SGCZ: variants seen among roughly 807,000 people sequenced by gnomAD.
SGCZ encodes zeta-sarcoglycan.
A neutral mutation model predicts 41.3 loss-of-function variants in SGCZ; 40 were observed. The observed-to-expected ratio is 0.97, with a 90% confidence interval of 0.75 to 1.26. The LOEUF (loss-of-function observed/expected upper bound fraction) is 1.26. Among genes scored for constraint, SGCZ ranks in the 50% most tolerant of loss-of-function variants. The pLI, the probability that SGCZ is intolerant of heterozygous loss-of-function variation, is 0.00. For synonymous variants in SGCZ, 206 were observed against 137.5 expected, an observed-to-expected ratio of 1.50 and a Z score of -3.49; for missense variants, 552 against 369.8, an observed-to-expected ratio of 1.49 and a Z score of -4.04.
chr8:14,360,413 C>T (rs1396872879), intron 2 of SGCZ, among the ~76,000 whole-genome samples: 1 of 151,974 alleles, frequency 6.6e-6, no homozygotes, highest in Non-Finnish European at 1.5e-5. Flanking sequence ...GTAACCTCCG[C>T]CTCCTAGGTT....
chr8:14,421,859 A>T (rs1369742181), intron 2 of SGCZ, among the ~76,000 whole-genome samples: 1 of 152,138 alleles, frequency 6.6e-6, no homozygotes, highest in Non-Finnish European at 1.5e-5. Flanking sequence ...AAGAGGAAAA[A>T]AATACTTTGA....
intron 4 of SGCZ, among the ~76,000 whole-genome samples, chr8:14,184,704 T>C (rs1804847616): frequency 6.6e-6 from 1 of 152,148 alleles, no homozygotes; most frequent in South Asian, 2.1e-4. Flanking sequence ...AAAACAGATA[T>C]TTTCCAAATA....
At chr8:15,190,732 C>A (rs1252146520) in intron 1 of SGCZ, among the ~76,000 whole-genome samples, 1 of 151,302 alleles carries the variant, frequency 6.6e-6, no homozygotes, top group Non-Finnish European at 1.5e-5. Flanking sequence ...TGTCAGCAAT[C>A]AAAAACTTGT....
chr8:14,856,270 G>A lies in SGCZ; in HGVS notation c.40-301344C>T, dbSNP rs144410485. Among the ~76,000 whole-genome samples, 66 of 152,250 alleles carry A rather than the reference G, an allele frequency of 4.3e-4. No homozygotes were observed. The Middle Eastern group carries it at 0.031, about 71-fold the overall frequency. ...TACATACTGGCACATCGATGATACA[G>A]ACTGTAACGAATCCTATATTTGGCA... On this transcript the variant is annotated intron_variant, in intron 1 of 7. Coordinates refer to ENST00000382080, the MANE Select transcript of SGCZ (RefSeq NM_139167.4).
At chr8:14,948,052 A>AAG (rs1800510962) in intron 1 of SGCZ, among the ~76,000 whole-genome samples, 1 of 152,208 alleles carries the variant, frequency 6.6e-6, no homozygotes, top group South Asian at 2.1e-4. Flanking sequence ...AGAAGGACAG[A>AAG]AGAGAAGCTT....
chr8:14,464,506 T>A (rs2116961308), intron 2 of SGCZ, among the ~76,000 whole-genome samples: 1 of 150,252 alleles, frequency 6.7e-6, no homozygotes, highest in African/African-American at 2.4e-5. Flanking sequence ...TTTTTTTAGT[T>A]CATCTAGCTG....
chr8:14,346,159 A>G (rs1563270837), intron 2 of SGCZ, among the ~76,000 whole-genome samples: 1 of 152,100 alleles, frequency 6.6e-6, no homozygotes, highest in East Asian at 1.9e-4. Flanking sequence ...ATGTATCACA[A>G]TAATACAATA....
chr8:14,820,217 A>C (rs745514979), intron 1 of SGCZ, among the ~76,000 whole-genome samples: 1 of 152,064 alleles, frequency 6.6e-6, no homozygotes, highest in Non-Finnish European at 1.5e-5. Context: ...AACCAAAGTC[A>C]ACATGAATAG....
rs146163721 is a variant in SGCZ, at chr8:14,089,080, T to G, written c.*1363A>C. 1.8e-3 allele frequency among the ~76,000 whole-genome samples: 278 copies of G among 152,112 alleles called. No individual in the cohort carries two copies. Among genetic ancestry groups the G allele is most frequent in the African/African-American group, 6.4e-3 (264 of 41,540 alleles). On this transcript the variant is annotated 3_prime_UTR_variant, in exon 8 of 8. Coordinates refer to ENST00000382080, the MANE Select transcript of SGCZ (RefSeq NM_139167.4). ...CTTTGACTCTGTAAGTTTCAAGAGT[T>G]TGAGTTAAGGGGTGCTGTGATAAAT...
chr8:14,442,656 C>T (rs181518011), intron 2 of SGCZ, among the ~76,000 whole-genome samples: 6 of 152,188 alleles, frequency 3.9e-5, no homozygotes, highest in African/African-American at 1.2e-4. Flanking sequence ...TGCTTTAATC[C>T]AACCCAGTGA....
At chr8:15,164,604 C>T (rs531989178) in intron 1 of SGCZ, among the ~76,000 whole-genome samples, 70 of 148,138 alleles carry the variant, frequency 4.7e-4, no homozygotes, top group African/African-American at 1.5e-3. Context: ...TTTTTTTCCT[C>T]TTCTCCACCC....
intron 1 of SGCZ, among the ~76,000 whole-genome samples, chr8:14,951,715 A>C (rs1800647618): frequency 6.6e-6 from 1 of 152,004 alleles, no homozygotes; most frequent in South Asian, 2.1e-4. Flanking sequence ...AATACCCCAA[A>C]TTTACAGGTT....
At chr8:14,602,421 A>T (rs1304325696) in intron 1 of SGCZ, among the ~76,000 whole-genome samples, 2 of 151,970 alleles carry the variant, frequency 1.3e-5, no homozygotes, top group Non-Finnish European at 2.9e-5. Context: ...CCGAGGTGGG[A>T]AGAATTACCT....
intron 1 of SGCZ, among the ~76,000 whole-genome samples, chr8:14,706,981 C>CT (rs559486370): frequency 0.023 from 2,863 of 126,960 alleles, 34 homozygotes; most frequent in South Asian, 0.046. Flanking sequence ...TTAGTCAATT[C>CT]TTTTTTTTTT....
intron 2 of SGCZ, among the ~76,000 whole-genome samples, chr8:14,327,191 G>C (rs911124948): frequency 6.6e-6 from 1 of 152,146 alleles, no homozygotes; most frequent in Non-Finnish European, 1.5e-5. Flanking sequence ...ACCAGAAAGA[G>C]TAATTTTGGA....
chr8:14,937,482 T>C (rs1300260739), intron 1 of SGCZ, among the ~76,000 whole-genome samples: 1 of 151,960 alleles, frequency 6.6e-6, no homozygotes, highest in African/African-American at 2.4e-5. Context: ...AAACAAAAAT[T>C]GGAAAATCTT....
intron 4 of SGCZ, among the ~76,000 whole-genome samples, chr8:14,217,188 T>C (rs1806025674): frequency 6.7e-6 from 1 of 149,448 alleles, no homozygotes; most frequent in African/African-American, 2.5e-5. Flanking sequence ...CCTAGCTATT[T>C]GGGAGGCTGA....
chr8:15,045,258 T>C (rs74988019), intron 1 of SGCZ, among the ~76,000 whole-genome samples: 2,192 of 152,064 alleles, frequency 0.014, 31 homozygotes, highest in Middle Eastern at 0.048. Flanking sequence ...TTCAGATAGA[T>C]TGGGAGATCA....
At chr8:14,394,143 C>CTTTTT (rs75054512) in intron 2 of SGCZ, among the ~76,000 whole-genome samples, 7 of 117,488 alleles carry the variant, frequency 6.0e-5, no homozygotes, top group Admixed American at 1.0e-4. Flanking sequence ...CGCCCCCCAC[C>CTTTTT]TTTTTTTTTT....
Sources: gnomAD v4.1 joint callset for allele counts (sites outside exome capture counted in the v4.1 genomes callset) on GRCh38, gnomAD v4.1.1 for gene constraint, MANE v1.5 for transcripts, NCBI Gene and HGNC (gene_info 2026-07-23, HGNC 2026-07-21) for gene names.